LPIN1: variants seen among roughly 807,000 people sequenced by gnomAD.
LPIN1 encodes lipin 1, also known as phosphatidate phosphatase LPIN1.
In LPIN1, 71 loss-of-function variants were observed where a neutral mutation model predicts 107.5. The ratio of observed to expected loss-of-function variants is 0.66; its 90% confidence interval spans 0.55 to 0.80. The LOEUF is 0.80. Among genes scored for constraint, LPIN1 ranks in the 30% least tolerant of loss-of-function variants. The pLI, the probability that LPIN1 is intolerant of heterozygous loss-of-function variation, is 0.00. For missense variants in LPIN1, 1,043 were observed against 1,160.6 expected (o/e 0.90, Z 1.47); for synonymous variants, 445 against 452.6 (o/e 0.98, Z 0.21).
chr2:11,683,247 G>A (rs1466019614), intron 1 of LPIN1: 1 of 152,236 alleles, frequency 6.6e-6, no homozygotes, highest in Non-Finnish European at 1.5e-5. Flanking sequence ...CTCTGTAGGG[G>A]CTGGAGAAGA....
intron 1 of LPIN1, among the ~76,000 whole-genome samples, chr2:11,702,394 G>C (rs1662916668): frequency 6.6e-6 from 1 of 152,188 alleles, no homozygotes; most frequent in Admixed American, 6.5e-5. Context: ...TGACAAAAGA[G>C]GTGATTGGGG....
At position 11,779,592 on chromosome 2, in the gene LPIN1, CAGA is replaced by C. The variant is rs1673228719; in HGVS notation, c.909_911del (p.Lys303del). ...CAGCAAGTCCACGGAAAGGACAGGG[CAGA>C]AGAACCCAGAAATGCTTTGGCTGTG... is the stretch of plus-strand genomic sequence containing the variant. On this transcript the variant is annotated inframe_deletion, in exon 7 of 21. Transcript: ENST00000674199. 1.2e-6 allele frequency: 2 copies of C among 1,614,102 alleles called. No individual in the cohort carries two copies. The highest frequency in any genetic ancestry group is 2.2e-5 in the East Asian group (1 of 44,886).
At position 11,771,221 on chromosome 2, in the gene LPIN1, C is replaced by T. The variant is rs1225240715; in HGVS notation, c.289-151C>T. 4.2e-6 allele frequency: 3 copies of T among 706,894 alleles called. No homozygotes were observed. The highest frequency in any genetic ancestry group is 3.6e-5 in the African/African-American group (2 of 56,328). The allele number at this position is 706,894 out of a possible 1,614,324, so 43.8% of individuals were successfully genotyped here. A position where few individuals can be genotyped will look rare whatever the true frequency, so the allele number is the denominator to read the frequency against. ...ATTGGGCAGCCACATCTCCAGGTCA[C>T]CATGGCTGTGGCCTCTAGCTGGGCC... On this transcript the variant is annotated intron_variant, in intron 3 of 20. Coordinates refer to ENST00000674199, the MANE Select transcript of LPIN1 (RefSeq NM_001349206.2). The surrounding 1 kb of genome is among the most constrained non-coding windows in gnomAD (Gnocchi z 4.8).
At chr2:11,755,562 C>T (rs1668545445) in intron 1 of LPIN1, among the ~76,000 whole-genome samples, 1 of 152,004 alleles carries the variant, frequency 6.6e-6, no homozygotes, top group African/African-American at 2.4e-5. Context: ...GATGGCTGGG[C>T]TGGAGGGCTG....
In LPIN1 at chr2:11,798,917, G is replaced by A. The variant is rs1449220691; in HGVS notation, c.1886+3430G>A. ...GCGTTTGAAAAACGTACACTGACAAGTGCTAACTTAGATGTTGTTCACAGC... is the reference window on the plus strand; with the variant it reads ...GCGTTTGAAAAACGTACACTGACAAATGCTAACTTAGATGTTGTTCACAGC... On this transcript the variant is annotated intron_variant, in intron 14 of 20. Coordinates refer to ENST00000674199, the MANE Select transcript of LPIN1 (RefSeq NM_001349206.2). Among the ~76,000 whole-genome samples the A allele has an allele frequency of 2.0e-5, 3 of 152,198 alleles. No individual in the cohort carries two copies. In the South Asian group the frequency reaches 6.2e-4, roughly 32 times the overall value.
At position 11,802,913 on chromosome 2, in the gene LPIN1, G is replaced by A. The variant is rs145608684; in HGVS notation, c.1893G>A (p.Lys631=). Reference sequence around the variant, plus strand: ...ACATCACTGTGTGTTCCAGGGTAAAGCATGAATCATCCTCCAGTGATGAGG... The same window carrying A: ...ACATCACTGTGTGTTCCAGGGTAAAACATGAATCATCCTCCAGTGATGAGG... ...PPQLSLATRV[K]HESSSSDEER... is the part of the protein sequence containing the mutation. The change falls in exon 15 of 21, where the codon AAG becomes AAA. Residue 631 remains lysine, a synonymous_variant. Coordinates refer to ENST00000674199, the MANE Select transcript of LPIN1 (RefSeq NM_001349206.2). The A allele has an allele frequency of 3.7e-6, 6 of 1,613,230 alleles. No homozygotes were observed. The highest frequency in any genetic ancestry group is 3.3e-5 in the South Asian group (3 of 91,048).
At chr2:11,739,728 A>G (rs1345465419) in intron 1 of LPIN1, among the ~76,000 whole-genome samples, 2 of 152,266 alleles carry the variant, frequency 1.3e-5, no homozygotes, top group South Asian at 4.1e-4. Context: ...AAACAAAAAT[A>G]CTGGGCTTGC....
Position 11,765,252 on chromosome 2 carries a change from CTGATGGACCCTGATGGGCCG to C in LPIN1, c.-9-262_-9-243del, listed in dbSNP as rs1558842434. Among the ~76,000 whole-genome samples, 1 of 143,514 alleles carries C rather than the reference CTGATGGACCCTGATGGGCCG, an allele frequency of 7.0e-6. No individual in the cohort carries two copies. The highest frequency in any genetic ancestry group is 1.5e-5 in the Non-Finnish European group (1 of 66,016). The allele number at this position is 143,514 out of a possible 152,430, so 94.2% of individuals were successfully genotyped here. A position where few individuals can be genotyped will look rare whatever the true frequency, so the allele number is the denominator to read the frequency against. On this transcript the variant is annotated intron_variant, in intron 1 of 20. Transcript: ENST00000674199. This position sits in a 1 kb window ranked among gnomAD's most constrained non-coding sequence, Gnocchi z 4.4. ...GGGCCATGATGGGCCCTGATGGACC[CTGATGGACCCTGATGGGCCG>C]TGATGGACCCTGATGGGCTGTGATG...
At chr2:11,706,515 G>T (rs755659795) in intron 1 of LPIN1, among the ~76,000 whole-genome samples, 6 of 152,258 alleles carry the variant, frequency 3.9e-5, no homozygotes, top group South Asian at 2.1e-4. Flanking sequence ...GGTCAGAGGT[G>T]CACACATTAG....
intron 1 of LPIN1, 95 bp downstream of exon 1, chr2:11,746,766 C>A: frequency 1.7e-6 from 1 of 604,642 alleles, no homozygotes; most frequent in Non-Finnish European, 2.1e-6. Flanking sequence ...GCTGAGGACG[C>A]GTGGCGAGGC....
chr2:11,741,437 T>G (rs1341872080), intron 2 of LPIN1: 1 of 1,538,974 alleles, frequency 6.5e-7, no homozygotes, highest in South Asian at 1.2e-5. Context: ...GAGTAAGCAC[T>G]GCTGTTCAGT....
intron 17 of LPIN1, among the ~76,000 whole-genome samples, chr2:11,813,962 T>A (rs1646564842): frequency 6.6e-6 from 1 of 151,776 alleles, no homozygotes; most frequent in Non-Finnish European, 1.5e-5. Flanking sequence ...GCTAACGCAA[T>A]AAAGTTGTGT....
In LPIN1 at chr2:11,707,251, G is replaced by C. The variant is rs765777705; in HGVS notation, c.82-6505G>C. On this transcript the variant is annotated intron_variant, in intron 1 of 21. Coordinates refer to the LPIN1 transcript ENST00000449576. The surrounding 1 kb of genome is among the most constrained non-coding windows in gnomAD (Gnocchi z 4.2). ...GTAAGGAGACGGGGGATGATCAGATGGACCAAGGAAGTTCCTTCCAGGAAG... is the reference window on the plus strand; with the variant it reads ...GTAAGGAGACGGGGGATGATCAGATCGACCAAGGAAGTTCCTTCCAGGAAG... 6.6e-6 allele frequency among the ~76,000 whole-genome samples: 1 copy of C among 152,202 alleles called. No individual in the cohort carries two copies. Among genetic ancestry groups the C allele is most frequent in the Non-Finnish European group, 1.5e-5 (1 of 68,032 alleles).
chr2:11,701,132 T>C (rs981875545), intron 1 of LPIN1, among the ~76,000 whole-genome samples: 6 of 152,194 alleles, frequency 3.9e-5, no homozygotes, highest in African/African-American at 1.2e-4. Context: ...TTCCTCCTGG[T>C]CAACTCTTAC....
chr2:11,708,558 G>A (rs1188544025), intron 1 of LPIN1, among the ~76,000 whole-genome samples: 2 of 152,154 alleles, frequency 1.3e-5, no homozygotes, highest in African/African-American at 4.8e-5. Flanking sequence ...TAACTCCTGG[G>A]CAATGGGGAG....
intron 11 of LPIN1, 89 bp downstream of exon 11, chr2:11,787,256 A>C (rs1417899714): frequency 2.2e-6 from 2 of 901,474 alleles, no homozygotes; most frequent in Admixed American, 1.8e-5. Flanking sequence ...AAGCCTTAGA[A>C]ATATATAAAA....
intron 1 of LPIN1, among the ~76,000 whole-genome samples, chr2:11,763,461 G>A (rs1403371767): frequency 3.3e-5 from 5 of 152,280 alleles, no homozygotes; most frequent in East Asian, 1.9e-4. Context: ...GCGGCAGCTC[G>A]CAGTCCAGCT....
At chr2:11,706,025 C>T (rs1421753947) in intron 1 of LPIN1, among the ~76,000 whole-genome samples, 1 of 152,142 alleles carries the variant, frequency 6.6e-6, no homozygotes, top group Non-Finnish European at 1.5e-5. Context: ...ATGAGAGTTT[C>T]CCTGCACAAG....
At chr2:11,763,809 G>C (rs997277173) in intron 1 of LPIN1, among the ~76,000 whole-genome samples, 1 of 151,400 alleles carries the variant, frequency 6.6e-6, no homozygotes, top group African/African-American at 2.4e-5. Context: ...TGGACCTCTC[G>C]TTGTACCCTG....
Sources: gnomAD v4.1 joint callset for allele counts (sites outside exome capture counted in the v4.1 genomes callset) on GRCh38, gnomAD v4.1.1 for gene constraint, Gnocchi (gnomAD v3.1) non-coding constraint, MANE v1.5 for transcripts, NCBI Gene and HGNC (gene_info 2026-07-23, HGNC 2026-07-21) for gene names.